TRIM37: variants seen among roughly 807,000 people sequenced by gnomAD.
The protein encoded by TRIM37 is E3 ubiquitin-protein ligase TRIM37.
A neutral mutation model predicts 129.8 loss-of-function variants in TRIM37; 80 were observed. The observed-to-expected ratio is 0.62, with a 90% confidence interval of 0.51 to 0.74. The LOEUF is 0.74. Ranked by LOEUF, TRIM37 falls within the 30% of genes least tolerant of loss-of-function variation. The pLI is 0.00. For missense variants in TRIM37, 1,054 were observed against 1,176.5 expected, an observed-to-expected ratio of 0.90 and a Z score of 1.52; for synonymous variants, 389 against 387.1, an observed-to-expected ratio of 1.00 and a Z score of -0.06.
chr17:59,014,558 G>A (rs931954714), intron 21 of TRIM37, among the ~76,000 whole-genome samples: 3 of 151,966 alleles, frequency 2.0e-5, no homozygotes, highest in African/African-American at 7.3e-5. Context: ...AAGTTTTGAG[G>A]ATACTTTGAT....
At chr17:58,992,281 T>TTATATTTATA (rs1347397802) in intron 24 of TRIM37, among the ~76,000 whole-genome samples, 8 of 141,060 alleles carry the variant, frequency 5.7e-5, no homozygotes, top group African/African-American at 1.8e-4. Flanking sequence ...ATATATATAT[T>TTATATTTATA]TATATTTATA....
chr17:59,073,162 C>A (rs1255386912), intron 8 of TRIM37: 1 of 152,200 alleles, frequency 6.6e-6, no homozygotes, highest in African/African-American at 2.4e-5. Flanking sequence ...AGTTTATTAT[C>A]ACTATACATG....
chr17:59,081,601 T>A (rs1400619000), intron 5 of TRIM37, among the ~76,000 whole-genome samples: 2 of 152,076 alleles, frequency 1.3e-5, no homozygotes, highest in African/African-American at 4.8e-5. Context: ...CAAAAATTAC[T>A]CCCTCTTATT....
intron 19 of TRIM37, among the ~76,000 whole-genome samples, chr17:59,024,615 T>C (rs1194890732): frequency 1.3e-5 from 2 of 152,172 alleles, no homozygotes; most frequent in Non-Finnish European, 2.9e-5. Flanking sequence ...GCACCTCAAA[T>C]TCCTGACCTC....
downstream of TRIM37, among the ~76,000 whole-genome samples, chr17:58,994,757 T>A (rs543463020): frequency 6.6e-6 from 1 of 152,138 alleles, no homozygotes; most frequent in South Asian, 2.1e-4. Context: ...TTTCTTTTTT[T>A]TTTTTTTTGA....
intron 19 of TRIM37, among the ~76,000 whole-genome samples, chr17:59,021,306 A>G (rs1190963336): frequency 6.6e-6 from 1 of 152,094 alleles, no homozygotes; most frequent in Admixed American, 6.6e-5. Context: ...GAGGCAGGAG[A>G]ATGACTTGAA....
At chr17:59,077,450 T>C (rs1017022246) in intron 7 of TRIM37, among the ~76,000 whole-genome samples, 3 of 152,150 alleles carry the variant, frequency 2.0e-5, no homozygotes, top group Non-Finnish European at 4.4e-5. Flanking sequence ...ATTTCTACTA[T>C]AACCACATCC....
intron 19 of TRIM37, among the ~76,000 whole-genome samples, chr17:59,026,804 T>C (rs2037298682): frequency 6.6e-6 from 1 of 152,244 alleles, no homozygotes; most frequent in African/African-American, 2.4e-5. Context: ...AAAGGCCACT[T>C]GGCCTCTTGC....
downstream of TRIM37, chr17:58,980,322 A>G: frequency 6.2e-7 from 1 of 1,614,110 alleles, no homozygotes; most frequent in Non-Finnish European, 8.5e-7. The surrounding 1 kb of genome is among the most constrained non-coding windows in gnomAD (Gnocchi z 4.7). Flanking sequence ...GATGATAAGG[A>G]GAATCATGGA....
intron 17 of TRIM37, among the ~76,000 whole-genome samples, chr17:59,040,817 C>T (rs892967368): frequency 4.0e-5 from 6 of 151,676 alleles, no homozygotes; most frequent in Non-Finnish European, 5.9e-5. Context: ...GAGGCCGAGG[C>T]GGGTGGATCA....
In TRIM37 at chr17:59,079,849, G is replaced by C. The variant is rs1460062433; in HGVS notation, c.521C>G (p.Ala174Gly). Reference protein sequence around the residue: ...VERNVEAVRNAKDERVREIRN... With the variant: ...VERNVEAVRNGKDERVREIRN... ...AATTTCCCGAACACGCTCATCTTTT[G>C]CATTTCTTACAGCTTCTACATTCCT... is the stretch of plus-strand genomic sequence containing the variant. Residue 174 changes from alanine to glycine, a missense_variant, in exon 7 of 24, where the codon GCA becomes GGA. This residue lies in a region of TRIM37 where 752 missense variants were observed against 870.8 expected (regional missense o/e 0.86). Coordinates refer to ENST00000262294, the MANE Select transcript of TRIM37 (RefSeq NM_015294.6). 2 of 1,613,928 alleles carry C rather than the reference G, an allele frequency of 1.2e-6. No individual in the cohort carries two copies. The highest frequency in any genetic ancestry group is 2.7e-5 in the African/African-American group (2 of 75,012).
At chr17:59,100,587 C>G (rs2045364153) in intron 2 of TRIM37, among the ~76,000 whole-genome samples, 1 of 152,096 alleles carries the variant, frequency 6.6e-6, no homozygotes. Flanking sequence ...TCTATCGTGA[C>G]AGAAAGCAGA....
chr17:59,069,877 G>A (rs1357099884), intron 9 of TRIM37, among the ~76,000 whole-genome samples: 1 of 152,144 alleles, frequency 6.6e-6, no homozygotes, highest in East Asian at 1.9e-4. Context: ...ACAGAGAAAA[G>A]GTCAGGTGAA....
chr17:58,984,482 A>G (rs2031608802), intron 24 of TRIM37: 1 of 152,662 alleles, frequency 6.6e-6, no homozygotes. Context: ...TTATTCACTC[A>G]GTGAACATTC....
At position 59,062,647 on chromosome 17, in the gene TRIM37, T is replaced by C; in HGVS notation, c.862A>G (p.Thr288Ala). 6.2e-7 allele frequency: 1 copy of C among 1,613,906 alleles called. No individual in the cohort carries two copies. Among genetic ancestry groups the C allele is most frequent in the South Asian group, 1.1e-5 (1 of 91,070 alleles). Residue 288 changes from threonine (T) to alanine (A), a missense_variant and splice_region_variant, in exon 11 of 24, where the codon ACT becomes GCT. Physicochemically the swap from Thr to Ala is moderately conservative, Grantham distance 58 (BLOSUM62 0). This residue lies in a region of TRIM37 where 752 missense variants were observed against 870.8 expected (regional missense o/e 0.86). Coordinates refer to ENST00000262294, the MANE Select transcript of TRIM37 (RefSeq NM_015294.6). ...ACAGGATCTGCTCTCTGACGCAAAG[T>C]GCTAACGAAAAAGAAAACCAACCAA... ...SATFVLENFSTLRQRADPVYS... is the reference protein window; with the variant it reads ...SATFVLENFSALRQRADPVYS...
Position 59,106,605 on chromosome 17 carries a change from G to T in TRIM37, c.-144C>A. 1.1e-6 allele frequency: 1 copy of T among 951,412 alleles called. No homozygotes were observed. The highest frequency in any genetic ancestry group is 1.6e-6 in the Non-Finnish European group (1 of 610,792). 58.9% of individuals were successfully genotyped at this position (951,412 alleles called of 1,614,324 possible). A position where few individuals can be genotyped will look rare whatever the true frequency, so the allele number is the denominator to read the frequency against. On this transcript the variant is annotated 5_prime_UTR_variant, in exon 1 of 24. Coordinates refer to ENST00000262294, the MANE Select transcript of TRIM37 (RefSeq NM_015294.6). ...GGGCTCTGACAACCGCCCCACCTGC[G>T]CGCCCCATCTCTTCAGGTCCAGCGC...
intron 22 of TRIM37, among the ~76,000 whole-genome samples, chr17:59,011,173 A>G (rs1007316084): frequency 1.7e-4 from 24 of 145,034 alleles, no homozygotes; most frequent in South Asian, 4.3e-4. Flanking sequence ...CGTCTCGGGG[A>G]AAAAAAAAAA....
Position 58,999,281 on chromosome 17 carries a change from C to A in TRIM37, c.*96G>T. The A allele has an allele frequency of 6.2e-7, 1 of 1,607,406 alleles. No homozygotes were observed. ...GGTCGAGATAATGAAGAAATAAGAC[C>A]AAATCTGATTATCTGACTGATGACA... On this transcript the variant is annotated 3_prime_UTR_variant, in exon 24 of 24. Coordinates refer to ENST00000262294, the MANE Select transcript of TRIM37 (RefSeq NM_015294.6).
chr17:59,045,324 G>C (rs1172722768), intron 16 of TRIM37, among the ~76,000 whole-genome samples: 1 of 149,440 alleles, frequency 6.7e-6, no homozygotes, highest in Non-Finnish European at 1.5e-5. Context: ...GCGAGACTCC[G>C]TTTCAAATAA....
Sources: gnomAD v4.1 joint callset for allele counts (sites outside exome capture counted in the v4.1 genomes callset) on GRCh38, gnomAD v4.1.1 for gene constraint, gnomAD v4.1.1 regional missense constraint, Gnocchi (gnomAD v3.1) non-coding constraint, MANE v1.5 for transcripts, NCBI Gene and HGNC (gene_info 2026-07-23, HGNC 2026-07-21) for gene names.